POF1B: variants seen among roughly 807,000 people sequenced by gnomAD.
POF1B encodes protein POF1B.
A neutral mutation model predicts 55.3 loss-of-function variants in POF1B; 53 were observed. The observed-to-expected ratio is 0.96, with a 90% CI of 0.77 to 1.20. The LOEUF (loss-of-function observed/expected upper bound fraction) is 1.20, where lower values mean the gene tolerates loss of function less well. Ranked by LOEUF, POF1B falls within the 50% of genes most tolerant of loss-of-function variation. POF1B has a pLI of 0.00. For synonymous variants in POF1B, 188 were observed against 148.3 expected (o/e 1.27, Z -1.95); for missense variants, 478 against 420.5 (o/e 1.14, Z -1.20).
intron 6 of POF1B, among the ~76,000 whole-genome samples, chrX:85,331,451 A>G (rs1932977699): frequency 9.0e-6 from 1 of 111,554 alleles, no homozygotes; most frequent in South Asian, 3.7e-4. Context: ...AAAATTAAAA[A>G]TTAATTGAAA....
chrX:85,287,548 T>C (rs181256729), intron 15 of POF1B, among the ~76,000 whole-genome samples: 1 of 111,609 alleles, frequency 9.0e-6, no homozygotes, highest in African/African-American at 3.2e-5. Context: ...CAAGAAGCAA[T>C]AGATAATCTG....
rs1219248516 is a variant in POF1B, at chrX:85,326,366, T to G, written c.854+4583A>C. The stretch of plus-strand genomic sequence containing the variant: ...CACAGGGGTGGGGCACTGGTAGCAC[T>G]GGACTGTGCGCGCCCTTTGTGTGCG... On this transcript the variant is annotated intron_variant, in intron 7 of 16. Transcript: ENST00000262753. Among the ~76,000 whole-genome samples the G allele has an allele frequency of 5.5e-5, 6 of 108,948 alleles. No homozygotes were observed. The East Asian group carries it at 1.5e-3, about 27-fold the overall frequency. The allele number at this position is 108,948 out of a possible 115,157, so 94.6% of individuals were successfully genotyped here.
rs1932959175 is a variant in POF1B at position 85,330,595 on chromosome X, T to C, written c.854+354A>G. ...ACTAATCCTAAAAGGGCTTGTGTTT[T>C]TTGTTTTTTGTCTGATGATTTTCAT... is the stretch of plus-strand genomic sequence containing the variant. On this transcript the variant is annotated intron_variant, in intron 7 of 16. Coordinates refer to ENST00000262753, the MANE Select transcript of POF1B (RefSeq NM_024921.4). Among the ~76,000 whole-genome samples the C allele has an allele frequency of 2.7e-5, 3 of 111,563 alleles. No homozygotes were observed. The Admixed American group carries it at 2.9e-4, about 11-fold the overall frequency.
chrX:85,328,168 TTTTATTTA>T (rs200508166), intron 7 of POF1B, among the ~76,000 whole-genome samples: 6,010 of 100,423 alleles, frequency 0.06, 354 homozygotes, highest in East Asian at 0.29. Flanking sequence ...ACAATATCTT[TTTTATTTA>T]TTTATTTATT....
intron 6 of POF1B, among the ~76,000 whole-genome samples, chrX:85,343,619 G>A (rs1021378031): frequency 1.8e-5 from 2 of 110,932 alleles, no homozygotes; most frequent in Non-Finnish European, 3.8e-5. Flanking sequence ...AAAATTTCCA[G>A]CACATATTTT....
At chrX:85,311,529 C>G (rs1400555139) in intron 9 of POF1B, among the ~76,000 whole-genome samples, 2 of 111,547 alleles carry the variant, frequency 1.8e-5, no homozygotes, top group Admixed American at 9.6e-5. Flanking sequence ...TGAACTCATC[C>G]TTTTTAATGG....
intron 3 of POF1B, among the ~76,000 whole-genome samples, chrX:85,363,532 T>G (rs767175058): frequency 8.9e-6 from 1 of 111,911 alleles, no homozygotes; most frequent in East Asian, 2.8e-4. Flanking sequence ...GCATGTTGTT[T>G]AATTTCCATG....
In POF1B at chrX:85,379,228, G is replaced by T; in HGVS notation, c.227C>A (p.Ser76Tyr). ...GTAGGAGGAGGTGGTTTTGAGAGGG[G>T]AGAGCACTTCCCGTGAGTTGAAGGG... Reference protein sequence around the residue: ...LDPFNSREVLSPLKTTSSYQN... With the variant: ...LDPFNSREVLYPLKTTSSYQN... The change falls in exon 2 of 17, where the codon TCC becomes TAC. Residue 76 changes from serine to tyrosine, a missense_variant. Coordinates refer to ENST00000262753, the MANE Select transcript of POF1B (RefSeq NM_024921.4). 1.7e-6 allele frequency: 2 copies of T among 1,211,061 alleles called. No homozygotes were observed. The highest frequency in any genetic ancestry group is 2.2e-6 in the Non-Finnish European group (2 of 895,279).
rs756148078 is a variant in POF1B at position 85,372,199 on chromosome X, C to A, written c.283-4433G>T. On this transcript the variant is annotated intron_variant, in intron 2 of 16. Transcript: ENST00000262753. ...CTCTACTAAAAATACAAAAAAATAGCCGGGTGTGGTGGCGGGCGCCTATAT... is the reference window on the plus strand; with the variant it reads ...CTCTACTAAAAATACAAAAAAATAGACGGGTGTGGTGGCGGGCGCCTATAT... 3.6e-5 allele frequency among the ~76,000 whole-genome samples: 4 copies of A among 109,644 alleles called. No individual in the cohort carries two copies. In the South Asian group the frequency reaches 1.2e-3, roughly 33 times the overall value.
chrX:85,352,987 G>A (rs780549834), intron 4 of POF1B, among the ~76,000 whole-genome samples: 15 of 110,947 alleles, frequency 1.4e-4, no homozygotes, highest in Non-Finnish European at 2.3e-4. Context: ...GAAAAATTAT[G>A]CCAATCCCTG....
At chrX:85,366,487 C>T (rs1569299041) in intron 3 of POF1B, among the ~76,000 whole-genome samples, 1 of 111,111 alleles carries the variant, frequency 9.0e-6, no homozygotes, top group East Asian at 2.8e-4. Context: ...AAATTTACTA[C>T]AACAAACACA....
chrX:85,370,060 G>C (rs184767961), intron 2 of POF1B, among the ~76,000 whole-genome samples: 84 of 111,985 alleles, frequency 7.5e-4, no homozygotes, highest in African/African-American at 2.7e-3. Context: ...TAGCCAACTG[G>C]ACTAGCTTTT....
At chrX:85,352,560 C>T (rs1411626194) in intron 4 of POF1B, among the ~76,000 whole-genome samples, 1 of 111,239 alleles carries the variant, frequency 9.0e-6, no homozygotes, top group African/African-American at 3.2e-5. Context: ...TCCTTGGGGA[C>T]TTTGGTAAAA....
intron 5 of POF1B, among the ~76,000 whole-genome samples, chrX:85,349,928 T>C (rs1208252755): frequency 9.0e-6 from 1 of 111,109 alleles, no homozygotes; most frequent in East Asian, 2.9e-4. Flanking sequence ...CATGCTTATA[T>C]GAACTGAGAA....
At position 85,332,877 on chromosome X, in the gene POF1B, A is replaced by G. The variant is rs769981884; in HGVS notation, c.724-1798T>C. Among the ~76,000 whole-genome samples, 6 of 111,129 alleles carry G rather than the reference A, an allele frequency of 5.4e-5. No homozygotes were observed. In the South Asian group the frequency reaches 2.3e-3, roughly 42 times the overall value. ...AGTAAATAATGATTATTTCTTAAAAAGAATAAACTCTCATATGTGAAGGCA... is the reference window on the plus strand; with the variant it reads ...AGTAAATAATGATTATTTCTTAAAAGGAATAAACTCTCATATGTGAAGGCA... On this transcript the variant is annotated intron_variant, in intron 6 of 16. Coordinates refer to ENST00000262753, the MANE Select transcript of POF1B (RefSeq NM_024921.4).
At chrX:85,355,668 C>G (rs1223292920) in intron 4 of POF1B, among the ~76,000 whole-genome samples, 3 of 111,695 alleles carry the variant, frequency 2.7e-5, no homozygotes, top group Non-Finnish European at 5.6e-5. Context: ...AGACACTTCT[C>G]AAAAGAAGAC....
At chrX:85,373,415 C>T (rs757469452) in intron 2 of POF1B, among the ~76,000 whole-genome samples, 4 of 111,354 alleles carry the variant, frequency 3.6e-5, no homozygotes, top group African/African-American at 9.8e-5. Flanking sequence ...CATAATAATG[C>T]ATGTTTTATC....
At chrX:85,323,191 A>C (rs2147919170) in intron 7 of POF1B, among the ~76,000 whole-genome samples, 1 of 111,808 alleles carries the variant, frequency 8.9e-6, no homozygotes, top group East Asian at 2.8e-4. Flanking sequence ...GCTTGGAACC[A>C]AGCCAAATGT....
Position 85,279,187 on chromosome X carries a change from T to C in POF1B, c.*234A>G. 3.3e-6 allele frequency: 1 copy of C among 302,747 alleles called. No homozygotes were observed. The highest frequency in any genetic ancestry group is 6.0e-6 in the Non-Finnish European group (1 of 167,156). 24.9% of individuals were successfully genotyped at this position (302,747 alleles called of 1,213,427 possible). A position where few individuals can be genotyped will look rare whatever the true frequency, so the allele number is the denominator to read the frequency against. ...TTAAACAATCAGGTCCCTCTTTCAG[T>C]TAGTATGTTGTTATACTGAATACAT... On this transcript the variant is annotated 3_prime_UTR_variant, in exon 17 of 17. Transcript: ENST00000262753.
Sources: allele counts gnomAD v4.1 joint callset (sites outside exome capture counted in the v4.1 genomes callset), GRCh38; gene constraint gnomAD v4.1.1; transcripts MANE v1.5; gene names NCBI Gene and HGNC (gene_info 2026-07-23, HGNC 2026-07-21).